The following CORIN variants were observed in gnomAD, a reference collection of about 807,000 sequenced individuals.
CORIN encodes atrial natriuretic peptide-converting enzyme.
A neutral mutation model predicts 125.3 loss-of-function variants in CORIN; 117 were observed. The ratio of observed to expected loss-of-function variants is 0.93; its 90% CI spans 0.80 to 1.09. The LOEUF is 1.09. CORIN is among the 50% of genes least tolerant of loss of function. The probability of loss-of-function intolerance (pLI) is 0.00; values close to 1 mark genes in which losing one functional copy is unlikely to be tolerated. For synonymous variants in CORIN, 450 were observed against 466.4 expected (o/e 0.96, Z 0.45); for missense variants, 1,253 against 1,306.7 (o/e 0.96, Z 0.63).
chr4:47,640,480 T>C (rs1008725597), intron 16 of CORIN, among the ~76,000 whole-genome samples: 1 of 152,166 alleles, frequency 6.6e-6, no homozygotes, highest in Non-Finnish European at 1.5e-5. Context: ...CCTGGTCCAG[T>C]GGGTACGAGA....
chr4:47,796,766 T>C (rs1731307047), intron 2 of CORIN, among the ~76,000 whole-genome samples: 1 of 151,930 alleles, frequency 6.6e-6, no homozygotes, highest in Admixed American at 6.6e-5. Context: ...AATGAATGAA[T>C]AAATAAACAA....
At chr4:47,681,245 G>C (rs143649760) in intron 7 of CORIN, 1 of 152,360 alleles carries the variant, frequency 6.6e-6, no homozygotes, top group African/African-American at 2.4e-5. Flanking sequence ...TGGATCAACA[G>C]AGGAAAGTAT....
chr4:47,767,821 C>G (rs11942833), intron 3 of CORIN, among the ~76,000 whole-genome samples: 3 of 152,066 alleles, frequency 2.0e-5, no homozygotes, highest in African/African-American at 7.2e-5. Flanking sequence ...ATTAGATAAC[C>G]TAGAAGAAAT....
chr4:47,794,114 G>T (rs1333506253), intron 2 of CORIN, among the ~76,000 whole-genome samples: 1 of 152,180 alleles, frequency 6.6e-6, no homozygotes. Context: ...GTGGAGTCAG[G>T]TCATGAAAGA....
At chr4:47,728,991 A>G (rs1265953392) in intron 5 of CORIN, among the ~76,000 whole-genome samples, 1 of 152,220 alleles carries the variant, frequency 6.6e-6, no homozygotes, top group African/African-American at 2.4e-5. Flanking sequence ...GAGAATAGAA[A>G]CTTAATCTCA....
In CORIN at chr4:47,692,857, C is replaced by A. The variant is rs574184356; in HGVS notation, c.913+113G>T. On this transcript the variant is annotated intron_variant, in intron 6 of 21. Transcript: ENST00000273857. ...CTGTCATTCTGGGGGAAGATAAACA[C>A]GTTTGCTCGCTTTAGAAAGGCAAAC... 3.9e-6 allele frequency: 3 copies of A among 774,334 alleles called. No individual in the cohort carries two copies. The South Asian group carries it at 4.7e-5, about 12-fold the overall frequency. The allele number at this position is 774,334 out of a possible 1,614,324, so 48.0% of individuals were successfully genotyped here.
intron 16 of CORIN, among the ~76,000 whole-genome samples, chr4:47,628,044 C>T (rs4499673): frequency 0.26 from 39,754 of 152,030 alleles, 5,431 homozygotes; most frequent in Admixed American, 0.36. Flanking sequence ...GAAAGGCAAT[C>T]TAGATGGAAT....
In CORIN at chr4:47,838,024, G is replaced by T. The variant is rs1449144811; in HGVS notation, c.-75C>A. The T allele has an allele frequency of 8.8e-6, 14 of 1,592,856 alleles. No homozygotes were observed. In the South Asian group the frequency reaches 1.0e-4, roughly 11 times the overall value. ...TTCTCTCCTCTACGTGTCCCCCGGG[G>T]AGGCACTACGGATGATTTTCTCCAA... On this transcript the variant is annotated 5_prime_UTR_variant, in exon 1 of 22. Transcript: ENST00000273857.
intron 16 of CORIN, among the ~76,000 whole-genome samples, chr4:47,637,824 A>C (rs555729506): frequency 8.1e-4 from 124 of 152,332 alleles, no homozygotes; most frequent in African/African-American, 2.8e-3. Context: ...AAGAATCCCT[A>C]CTAGGGCATT....
At chr4:47,664,596 G>A (rs570715255) in intron 11 of CORIN, among the ~76,000 whole-genome samples, 3 of 152,190 alleles carry the variant, frequency 2.0e-5, no homozygotes, top group South Asian at 4.2e-4. Flanking sequence ...AATGTCCATC[G>A]CTGTCCAATC....
chr4:47,721,857 T>A (rs963098924), intron 5 of CORIN, among the ~76,000 whole-genome samples: 14 of 152,222 alleles, frequency 9.2e-5, no homozygotes, highest in Non-Finnish European at 1.8e-4. Context: ...ATTATTTGAA[T>A]TGCAAAGTCT....
At chr4:47,817,005 G>A (rs1054038431) in intron 1 of CORIN, among the ~76,000 whole-genome samples, 3 of 152,046 alleles carry the variant, frequency 2.0e-5, no homozygotes, top group African/African-American at 7.2e-5. Flanking sequence ...TTGACTCTCT[G>A]GATACAAGGC....
At chr4:47,796,580 A>T (rs1034540587) in intron 2 of CORIN, among the ~76,000 whole-genome samples, 1 of 152,118 alleles carries the variant, frequency 6.6e-6, no homozygotes, top group Non-Finnish European at 1.5e-5. Flanking sequence ...AAATGTTCTT[A>T]TCATGGAAAA....
intron 19 of CORIN, 121 bp from the exon 20 acceptor site, chr4:47,603,789 A>G: frequency 9.5e-7 from 1 of 1,051,524 alleles, no homozygotes; most frequent in Non-Finnish European, 1.4e-6. Context: ...CCACCTCTCA[A>G]TGTATTCATA....
At chr4:47,673,156 T>C (rs1216435410) in intron 10 of CORIN, among the ~76,000 whole-genome samples, 1 of 151,606 alleles carries the variant, frequency 6.6e-6, no homozygotes, top group Admixed American at 6.6e-5. Context: ...CTGACCAACA[T>C]GGTGAAACGC....
intron 1 of CORIN, among the ~76,000 whole-genome samples, chr4:47,827,149 T>C (rs1023156810): frequency 1.3e-5 from 2 of 152,110 alleles, no homozygotes; most frequent in Non-Finnish European, 2.9e-5. Flanking sequence ...GGAGGCAGGG[T>C]GACATTAACT....
intron 12 of CORIN, among the ~76,000 whole-genome samples, chr4:47,656,446 G>A (rs916866239): frequency 8.6e-5 from 13 of 151,946 alleles, no homozygotes; most frequent in Admixed American, 2.0e-4. Context: ...ATGAGCCACC[G>A]CTCCCGGTGA....
At chr4:47,812,341 G>GA (rs989085643) in intron 1 of CORIN, among the ~76,000 whole-genome samples, 2 of 151,576 alleles carry the variant, frequency 1.3e-5, no homozygotes, top group Admixed American at 6.6e-5. Context: ...TCTACAAAAA[G>GA]AAAAAAAATT....
chr4:47,649,579 G>A (rs917602260), intron 13 of CORIN, among the ~76,000 whole-genome samples: 1 of 152,140 alleles, frequency 6.6e-6, no homozygotes, highest in African/African-American at 2.4e-5. Flanking sequence ...AGATAATGTG[G>A]GTGTTCTCTG....
Sources: allele counts gnomAD v4.1 joint callset (sites outside exome capture counted in the v4.1 genomes callset), GRCh38; gene constraint gnomAD v4.1.1; transcripts MANE v1.5; gene names NCBI Gene and HGNC (gene_info 2026-07-23, HGNC 2026-07-21).